CPXM2: variants seen among roughly 807,000 people sequenced by gnomAD.
CPXM2 encodes inactive carboxypeptidase-like protein X2.
Under a neutral mutation model 86.1 loss-of-function variants are expected in CPXM2, and 66 were observed. The observed-to-expected ratio is 0.77, with a 90% CI of 0.63 to 0.94. The LOEUF (loss-of-function observed/expected upper bound fraction) is 0.94. Among genes scored for constraint, CPXM2 ranks in the 40% least tolerant of loss-of-function variants. The pLI, the probability that CPXM2 is intolerant of heterozygous loss-of-function variation, is 0.00. For synonymous variants in CPXM2, 388 were observed against 400.2 expected (o/e 0.97, Z 0.36); for missense variants, 948 against 1,026.3 (o/e 0.92, Z 1.04).
At chr10:123,833,502 G>T (rs1021904446) in intron 4 of CPXM2, among the ~76,000 whole-genome samples, 6 of 152,220 alleles carry the variant, frequency 3.9e-5, no homozygotes, top group Non-Finnish European at 8.8e-5. Flanking sequence ...GCTTGGAGGT[G>T]CTCAGAGGTA....
At chr10:123,905,811 C>G (rs1391971824) in intron 2 of CPXM2, among the ~76,000 whole-genome samples, 1 of 152,124 alleles carries the variant, frequency 6.6e-6, no homozygotes, top group Admixed American at 6.5e-5. Flanking sequence ...ACCCAGTCAT[C>G]CTCCATCTCC....
chr10:123,891,445 C>G lies in CPXM2; in HGVS notation c.215G>C (p.Arg72Pro), dbSNP rs776688409. Residue 72 changes from arginine to proline, a missense_variant, in exon 1 of 14, where the codon CGC becomes CCC. Transcript: ENST00000241305. The surrounding 1 kb of genome is among the most constrained non-coding windows in gnomAD (Gnocchi z 5.6). ...PAGPGEEWERRPQEPRPPKRA... is the reference protein window; with the variant it reads ...PAGPGEEWERPPQEPRPPKRA... ...CTTGGGCGGCCTGGGCTCCTGCGGG[C>G]GCCGCTCCCACTCCTCCCCGGGCCC... is the stretch of plus-strand genomic sequence containing the variant. 1.3e-6 allele frequency: 2 copies of G among 1,553,456 alleles called. No homozygotes were observed. Among genetic ancestry groups the G allele is most frequent in the Admixed American group, 3.8e-5 (2 of 52,220 alleles).
intron 2 of CPXM2, among the ~76,000 whole-genome samples, chr10:123,937,470 A>AACACACACAC (rs201368456): frequency 0.024 from 3,116 of 132,530 alleles, 54 homozygotes; most frequent in South Asian, 0.037. Flanking sequence ...ACAACAAAAC[A>AACACACACAC]ACACACACAC....
chr10:123,753,475 C>G (rs186263101), intron 13 of CPXM2, among the ~76,000 whole-genome samples: 28 of 152,362 alleles, frequency 1.8e-4, no homozygotes, highest in African/African-American at 6.5e-4. Flanking sequence ...CCAAACCCCA[C>G]TAACCCCTTA....
intron 3 of CPXM2, among the ~76,000 whole-genome samples, chr10:123,860,185 G>A (rs1288091277): frequency 6.6e-6 from 1 of 152,182 alleles, no homozygotes; most frequent in East Asian, 1.9e-4. Context: ...TCCTCATACA[G>A]TAACTAGAAG....
In CPXM2 at chr10:123,761,912, CTCCTCCTTCTGGAAG is replaced by C; in HGVS notation, c.1722_1736del (p.Asp574_Glu578del). 6.2e-7 allele frequency: 1 copy of C among 1,613,852 alleles called. No homozygotes were observed. The highest frequency in any genetic ancestry group is 2.2e-5 in the East Asian group (1 of 44,864). On this transcript the variant is annotated inframe_deletion, in exon 11 of 14. Transcript: ENST00000241305. ...GCCAGGAGGCCCCATTGACAGTGCC[CTCCTCCTTCTGGAAG>C]TCCTCCGTGTGGCACACCCTCCTCC...
chr10:123,788,745 G>A (rs1481684915), intron 6 of CPXM2, among the ~76,000 whole-genome samples: 14 of 152,176 alleles, frequency 9.2e-5, no homozygotes, highest in Admixed American at 9.2e-4. Flanking sequence ...GGTTCAGGGA[G>A]GTTTTAGGGG....
Position 123,891,428 on chromosome 10 carries a change from G to A in CPXM2, c.232C>T (p.Pro78Ser). ...EWERRPQEPR[P>S]PKRATKPKKA... is the part of the protein sequence containing the mutation. ...TTGGGCTTGGTGGCCCTCTTGGGCG[G>A]CCTGGGCTCCTGCGGGCGCCGCTCC... The change falls in exon 1 of 14, where the codon CCG becomes TCG. Residue 78 changes from proline to serine, a missense_variant. Transcript: ENST00000241305. The surrounding 1 kb of genome is among the most constrained non-coding windows in gnomAD (Gnocchi z 5.6). The A allele has an allele frequency of 6.4e-7, 1 of 1,559,722 alleles. No homozygotes were observed. Among genetic ancestry groups the A allele is most frequent in the Non-Finnish European group, 8.7e-7 (1 of 1,151,622 alleles).
In CPXM2 at chr10:123,865,072, G is replaced by A. The variant is rs1011558637; in HGVS notation, c.404-2349C>T. ...CATTCTTGTCCACTCCTGTGATGGT[G>A]TCACGGCAAAGCCAGAAACTTCACC... is the stretch of plus-strand genomic sequence containing the variant. On this transcript the variant is annotated intron_variant, in intron 2 of 13. Transcript: ENST00000241305. This position sits in a 1 kb window ranked among gnomAD's most constrained non-coding sequence, Gnocchi z 4.7. 3.9e-5 allele frequency among the ~76,000 whole-genome samples: 6 copies of A among 152,184 alleles called. No individual in the cohort carries two copies. The highest frequency in any genetic ancestry group is 9.6e-5 in the African/African-American group (4 of 41,452).
intron 3 of CPXM2, chr10:123,843,236 AC>A (rs1564794201): frequency 4.4e-6 from 2 of 451,842 alleles, no homozygotes; most frequent in South Asian, 1.6e-5. Flanking sequence ...ACAAGCACAC[AC>A]CACCATGCCC....
intron 2 of CPXM2, among the ~76,000 whole-genome samples, chr10:123,900,707 G>A (rs909081239): frequency 4.6e-5 from 7 of 152,158 alleles, no homozygotes; most frequent in Non-Finnish European, 8.8e-5. Context: ...TTATATAAAA[G>A]ACATAAAAGA....
intron 2 of CPXM2, among the ~76,000 whole-genome samples, chr10:123,870,307 C>G (rs967757230): frequency 6.6e-6 from 1 of 152,116 alleles, no homozygotes; most frequent in Non-Finnish European, 1.5e-5. Context: ...GGGGTCACAC[C>G]AGGAAAAGAG....
intron 6 of CPXM2, among the ~76,000 whole-genome samples, chr10:123,792,469 T>A (rs1288013331): frequency 1.3e-5 from 2 of 152,072 alleles, no homozygotes; most frequent in Non-Finnish European, 2.9e-5. Context: ...GAAGAAGGTC[T>A]CTATCAGAAA....
chr10:123,859,094 C>T (rs753347652), intron 3 of CPXM2, among the ~76,000 whole-genome samples: 15 of 152,182 alleles, frequency 9.9e-5, no homozygotes, highest in Admixed American at 2.0e-4. Context: ...GCCACATCTG[C>T]GCCTATAGAG....
chr10:123,866,793 G>T (rs1944800394), intron 2 of CPXM2, among the ~76,000 whole-genome samples: 1 of 152,198 alleles, frequency 6.6e-6, no homozygotes, highest in Admixed American at 6.5e-5. Flanking sequence ...TCGGCACTCT[G>T]TCCCCTCACT....
intron 2 of CPXM2, among the ~76,000 whole-genome samples, chr10:123,930,771 T>C (rs1945661143): frequency 6.6e-6 from 1 of 152,354 alleles, no homozygotes; most frequent in Non-Finnish European, 1.5e-5. Context: ...GAAAGAATGC[T>C]CCAAAGCCAG....
At chr10:123,855,801 C>T (rs1848710833) in intron 3 of CPXM2, among the ~76,000 whole-genome samples, 1 of 152,168 alleles carries the variant, frequency 6.6e-6, no homozygotes, top group Admixed American at 6.5e-5. Context: ...CATCGAGGTG[C>T]TCCATATAAT....
chr10:123,827,480 C>A (rs189238150), intron 4 of CPXM2, among the ~76,000 whole-genome samples: 8 of 152,040 alleles, frequency 5.3e-5, no homozygotes, highest in African/African-American at 1.9e-4. Flanking sequence ...AATACTTAGA[C>A]GTAAACCTAA....
chr10:123,768,458 CA>C, intron 9 of CPXM2, 67 bp downstream of exon 9: 1 of 1,286,914 alleles, frequency 7.8e-7, no homozygotes, highest in Non-Finnish European at 1.1e-6. Context: ...GCCCTAGGGC[CA>C]GACATACTCT....
Sources: allele counts gnomAD v4.1 joint callset (sites outside exome capture counted in the v4.1 genomes callset), GRCh38; gene constraint gnomAD v4.1.1; non-coding constraint Gnocchi (gnomAD v3.1); transcripts MANE v1.5; gene names NCBI Gene and HGNC (gene_info 2026-07-23, HGNC 2026-07-21).